KIAA1671: variants seen among roughly 807,000 people sequenced by gnomAD.
KIAA1671 encodes the protein uncharacterized protein KIAA1671.
In KIAA1671, 52 loss-of-function variants were observed where a neutral mutation model predicts 131.2. The observed-to-expected ratio is 0.40, with a 90% CI of 0.32 to 0.50. The LOEUF is 0.50. Among genes scored for constraint, KIAA1671 ranks in the 20% least tolerant of loss-of-function variants. The pLI, the probability that KIAA1671 is intolerant of heterozygous loss-of-function variation, is 0.73. For missense variants in KIAA1671, 2,360 were observed against 2,364.2 expected, an observed-to-expected ratio of 1.00 and a Z score of 0.04; for synonymous variants, 1,003 against 961.6, an observed-to-expected ratio of 1.04 and a Z score of -0.80.
At chr22:25,076,312 A>G (rs1261286473) in intron 6 of KIAA1671, among the ~76,000 whole-genome samples, 1 of 152,016 alleles carries the variant, frequency 6.6e-6, no homozygotes, top group Non-Finnish European at 1.5e-5. Context: ...TGTTTATTGT[A>G]TGCATAATTG....
At chr22:25,084,457 C>CAAAA (rs36090380) in intron 6 of KIAA1671, among the ~76,000 whole-genome samples, 20,403 of 128,180 alleles carry the variant, frequency 0.16, 2,119 homozygotes, top group African/African-American at 0.26. Context: ...GACTCTATCT[C>CAAAA]AAAAAAAAAA....
At chr22:25,178,069 C>T (rs533430593) in intron 9 of KIAA1671, among the ~76,000 whole-genome samples, 79 of 152,298 alleles carry the variant, frequency 5.2e-4, no homozygotes, top group African/African-American at 1.9e-3. Flanking sequence ...CAGCCACCCC[C>T]TTCACATTTT....
At chr22:25,074,189 G>GAT (rs71322719) in intron 6 of KIAA1671, among the ~76,000 whole-genome samples, 35,870 of 150,064 alleles carry the variant, frequency 0.24, 4,297 homozygotes, top group South Asian at 0.31. Context: ...ATATAGAGAG[G>GAT]ATATATATAT....
intron 4 of KIAA1671, among the ~76,000 whole-genome samples, chr22:25,038,014 A>G (rs1414745013): frequency 1.3e-5 from 2 of 152,134 alleles, no homozygotes; most frequent in Non-Finnish European, 2.9e-5. Context: ...TAGTATTTTT[A>G]GTAGAGAACG....
intron 12 of KIAA1671, among the ~76,000 whole-genome samples, chr22:25,191,533 C>T (rs1934672738): frequency 6.6e-6 from 1 of 152,196 alleles, no homozygotes. Flanking sequence ...AAAAAATATA[C>T]ATTAAAAATT....
At chr22:25,096,417 A>G (rs1379344738) in intron 6 of KIAA1671, among the ~76,000 whole-genome samples, 1 of 152,168 alleles carries the variant, frequency 6.6e-6, no homozygotes, top group African/African-American at 2.4e-5. Flanking sequence ...AGGAGTGGAC[A>G]GAGGTGGTCT....
chr22:25,112,643 TC>T, intron 6 of KIAA1671: 1 of 369,340 alleles, frequency 2.7e-6, no homozygotes, highest in Non-Finnish European at 4.8e-6. Context: ...TAGCAATAAT[TC>T]CTCTCTCCTG....
At chr22:25,171,128 G>A (rs924912910) in intron 7 of KIAA1671, among the ~76,000 whole-genome samples, 190 bp downstream of exon 7, 3 of 152,162 alleles carry the variant, frequency 2.0e-5, no homozygotes, top group Non-Finnish European at 2.9e-5. Context: ...GGCCGGGTGC[G>A]GTGGCTCACG....
At chr22:25,000,689 G>A (rs1446266001) in intron 1 of KIAA1671, among the ~76,000 whole-genome samples, 1 of 151,178 alleles carries the variant, frequency 6.6e-6, no homozygotes, top group Non-Finnish European at 1.5e-5. Flanking sequence ...GATAATTTTT[G>A]TATATTTAGT....
At chr22:24,976,404 CTTCCCAG>C (rs1226613743) in intron 1 of KIAA1671, among the ~76,000 whole-genome samples, 5 of 152,250 alleles carry the variant, frequency 3.3e-5, no homozygotes. Flanking sequence ...TAGGATTTTG[CTTCCCAG>C]TTCCTGTTTC....
chr22:25,172,543 G>A (rs956971798), intron 7 of KIAA1671, among the ~76,000 whole-genome samples: 3 of 152,198 alleles, frequency 2.0e-5, no homozygotes, highest in African/African-American at 7.2e-5. Context: ...TTCTGCTCAA[G>A]GGAGCAGACT....
intron 1 of KIAA1671, among the ~76,000 whole-genome samples, chr22:25,007,025 T>A (rs1924783534): frequency 6.6e-6 from 1 of 151,860 alleles, no homozygotes; most frequent in Admixed American, 6.6e-5. Flanking sequence ...CTTCTTCTTG[T>A]GGGTTTCAGT....
intron 6 of KIAA1671, among the ~76,000 whole-genome samples, chr22:25,133,459 G>A (rs927063340): frequency 2.6e-5 from 4 of 152,226 alleles, no homozygotes; most frequent in African/African-American, 9.6e-5. Context: ...CCTTTTAGAA[G>A]TAGATAGATT....
chr22:24,960,654 C>CTTTTTTTT (rs34901740), intron 1 of KIAA1671, among the ~76,000 whole-genome samples: 10 of 71,526 alleles, frequency 1.4e-4, no homozygotes, highest in East Asian at 4.3e-4. Flanking sequence ...TTTTCAGGTT[C>CTTTTTTTT]TTTTTTTTTT....
rs1461060422 is a variant in KIAA1671, at chr22:25,131,843, GC to G, written c.4531-38973del. Among the ~76,000 whole-genome samples the G allele has an allele frequency of 7.9e-5, 12 of 152,182 alleles. No homozygotes were observed. In the East Asian group the frequency reaches 2.3e-3, roughly 29 times the overall value. On this transcript the variant is annotated intron_variant, in intron 6 of 12. Transcript: ENST00000358431. ...TGGGTGGCTGTGGGCAGGTTACTTT[GC>G]CCCTTGGTGCCTCACTGTCTTCCCC...
intron 6 of KIAA1671, among the ~76,000 whole-genome samples, chr22:25,080,248 G>T (rs1373975584): frequency 6.6e-6 from 1 of 152,170 alleles, no homozygotes; most frequent in South Asian, 2.1e-4. Flanking sequence ...CCCTTCCCCA[G>T]CTGTACAATG....
chr22:25,145,294 G>A (rs1175023235), intron 6 of KIAA1671, among the ~76,000 whole-genome samples: 3 of 152,212 alleles, frequency 2.0e-5, no homozygotes, highest in Admixed American at 1.3e-4. Context: ...TGAAATAGCA[G>A]CATCAATGGC....
chr22:25,150,471 C>A (rs1168443290), intron 6 of KIAA1671, among the ~76,000 whole-genome samples: 1 of 152,162 alleles, frequency 6.6e-6, no homozygotes, highest in Non-Finnish European at 1.5e-5. Flanking sequence ...CAGTGGGTGG[C>A]AGTCCAGGGC....
intron 5 of KIAA1671, among the ~76,000 whole-genome samples, chr22:25,046,620 C>CA (rs1927247394): frequency 6.6e-6 from 1 of 152,184 alleles, no homozygotes; most frequent in African/African-American, 2.4e-5. Flanking sequence ...ACATTTCTTC[C>CA]ACCCGGTAAT....
Sources: gnomAD v4.1 joint callset for allele counts (sites outside exome capture counted in the v4.1 genomes callset) on GRCh38, gnomAD v4.1.1 for gene constraint, MANE v1.5 for transcripts, NCBI Gene and HGNC (gene_info 2026-07-23, HGNC 2026-07-21) for gene names.